The following PKHD1 variants were observed in gnomAD, a reference collection of about 807,000 sequenced individuals.
PKHD1 encodes the protein PKHD1 ciliary IPT domain containing fibrocystin/polyductin, also known as fibrocystin.
In PKHD1, 291 loss-of-function variants were observed where a neutral mutation model predicts 412.0. The observed-to-expected ratio is 0.71, with a 90% CI of 0.64 to 0.78. The LOEUF (loss-of-function observed/expected upper bound fraction) is 0.78, where lower values mean the gene tolerates loss of function less well. Ranked by LOEUF, PKHD1 falls within the 30% of genes least tolerant of loss-of-function variation. The pLI is 0.00. For missense variants in PKHD1, 4,825 were observed against 4,950.7 expected, an observed-to-expected ratio of 0.97 and a Z score of 0.76; for synonymous variants, 1,777 against 1,821.5, an observed-to-expected ratio of 0.98 and a Z score of 0.62.
intron 35 of PKHD1, among the ~76,000 whole-genome samples, chr6:51,961,959 C>T (rs1792106458): frequency 6.6e-6 from 1 of 152,004 alleles, no homozygotes; most frequent in Admixed American, 6.6e-5. Flanking sequence ...AATTGGGACC[C>T]AGAGACCTAC....
chr6:51,780,089 T>C (rs981568922), intron 53 of PKHD1, among the ~76,000 whole-genome samples: 5 of 152,030 alleles, frequency 3.3e-5, no homozygotes, highest in African/African-American at 1.2e-4. Flanking sequence ...AGAATACCAT[T>C]AAGAAAGTAA....
intron 53 of PKHD1, among the ~76,000 whole-genome samples, chr6:51,782,566 T>C (rs1009181023): frequency 6.6e-6 from 1 of 152,184 alleles, no homozygotes; most frequent in Non-Finnish European, 1.5e-5. Context: ...GTCACCTTTT[T>C]ATTTTATCAA....
Position 51,950,220 on chromosome 6 carries a change from A to AAAAT in PKHD1, c.5908+9649_5908+9650insATTT. 7.6e-3 allele frequency among the ~76,000 whole-genome samples: 743 copies of AAAAT among 98,306 alleles called. 14 individuals are homozygous for AAAAT. The highest frequency in any genetic ancestry group is 0.025 in the African/African-American group (655 of 26,494). The allele number at this position is 98,306 out of a possible 152,430, so 64.5% of individuals were successfully genotyped here. On this transcript the variant is annotated intron_variant, in intron 36 of 66. Coordinates refer to ENST00000371117, the MANE Select transcript of PKHD1 (RefSeq NM_138694.4). ...AATGGGCAATATAGAGAAAAAAAAAAATATATATATATATATATATGAAAT... is the reference window on the plus strand; with the variant it reads ...AATGGGCAATATAGAGAAAAAAAAAAAAATATATATATATATATATATATGAAAT...
intron 53 of PKHD1, among the ~76,000 whole-genome samples, chr6:51,779,784 G>C (rs1374845569): frequency 7.7e-6 from 1 of 129,050 alleles, no homozygotes; most frequent in Non-Finnish European, 1.8e-5. Context: ...CAACACAACT[G>C]TTGCTAAAAA....
intron 35 of PKHD1, among the ~76,000 whole-genome samples, chr6:51,995,533 TA>T (rs1261956417): frequency 6.6e-6 from 1 of 152,234 alleles, no homozygotes; most frequent in African/African-American, 2.4e-5. Flanking sequence ...TCTTAGCTAG[TA>T]GACCTTTGTT....
intron 12 of PKHD1, among the ~76,000 whole-genome samples, chr6:52,065,610 C>G (rs149099381): frequency 2.0e-5 from 3 of 152,200 alleles, no homozygotes; most frequent in Non-Finnish European, 4.4e-5. Context: ...AAATGCCCAC[C>G]CACTCCTGCT....
chr6:52,051,910 G>T (rs999733864), intron 21 of PKHD1, among the ~76,000 whole-genome samples: 3 of 136,010 alleles, frequency 2.2e-5, no homozygotes, highest in African/African-American at 7.6e-5. Context: ...GTGTGCCAGA[G>T]CACAAACAGG....
chr6:51,924,163 T>C (rs1785159531), intron 37 of PKHD1, among the ~76,000 whole-genome samples: 1 of 152,196 alleles, frequency 6.6e-6, no homozygotes, highest in Non-Finnish European at 1.5e-5. Flanking sequence ...AGCAATACTA[T>C]TAATAGTATT....
chr6:51,911,032 T>C (rs180988562), intron 39 of PKHD1, among the ~76,000 whole-genome samples: 9 of 152,192 alleles, frequency 5.9e-5, no homozygotes, highest in Middle Eastern at 3.4e-3. Flanking sequence ...TTATGACATA[T>C]ACAAAATTAA....
At chr6:51,796,284 T>C (rs1186454147) in intron 52 of PKHD1, among the ~76,000 whole-genome samples, 2 of 152,144 alleles carry the variant, frequency 1.3e-5, no homozygotes, top group Admixed American at 6.5e-5. Flanking sequence ...ATTTTCTACT[T>C]TATGTGCAAG....
intron 45 of PKHD1, among the ~76,000 whole-genome samples, chr6:51,883,526 A>G (rs955325407): frequency 3.3e-5 from 5 of 152,302 alleles, no homozygotes; most frequent in African/African-American, 1.2e-4. Flanking sequence ...AAATCACACA[A>G]AGGTAACAGA....
At chr6:51,892,201 C>T (rs957407755) in intron 43 of PKHD1, among the ~76,000 whole-genome samples, 1 of 152,186 alleles carries the variant, frequency 6.6e-6, no homozygotes, top group African/African-American at 2.4e-5. Context: ...GAATTCTAAT[C>T]ACATGTCTCA....
At chr6:52,024,520 AG>A (rs1801847340) in intron 32 of PKHD1, 53 bp downstream of exon 32, 1 of 1,508,904 alleles carries the variant, frequency 6.6e-7, no homozygotes, top group East Asian at 2.3e-5. Flanking sequence ...AAGTGAAAGG[AG>A]CTACCAATTC....
intron 60 of PKHD1, among the ~76,000 whole-genome samples, chr6:51,743,912 G>A (rs1425526436): frequency 6.6e-6 from 1 of 152,198 alleles, no homozygotes; most frequent in Admixed American, 6.5e-5. Flanking sequence ...GCACAGCCTT[G>A]TTTGGGGGAG....
intron 63 of PKHD1, among the ~76,000 whole-genome samples, chr6:51,639,413 G>A (rs1257450846): frequency 2.6e-5 from 4 of 151,772 alleles, no homozygotes; most frequent in Admixed American, 6.6e-5. Flanking sequence ...TTTCTAGGTG[G>A]TCAGTTTCTA....
chr6:51,910,698 A>C, intron 39 of PKHD1, among the ~76,000 whole-genome samples: 1 of 152,192 alleles, frequency 6.6e-6, no homozygotes, highest in East Asian at 1.9e-4. Context: ...CAGAATACCA[A>C]GGAAGTTTGA....
intron 60 of PKHD1, among the ~76,000 whole-genome samples, chr6:51,676,909 A>T (rs776413711): frequency 6.6e-6 from 1 of 152,176 alleles, no homozygotes; most frequent in Non-Finnish European, 1.5e-5. Flanking sequence ...TGTATGTTAC[A>T]CTTATAAGGT....
chr6:51,747,940 A>G lies in PKHD1; in HGVS notation c.9676T>C (p.Leu3226=), dbSNP rs957604957. 2 of 1,614,080 alleles carry G rather than the reference A, an allele frequency of 1.2e-6. No homozygotes were observed. Among genetic ancestry groups the G allele is most frequent in the Non-Finnish European group, 1.7e-6 (2 of 1,179,994 alleles). ...GAGGGAGCTCTATCTGTTGATGTCAAGTTGGCTGAGTGCGGCTTCACTTTG... is the reference window on the plus strand; with the variant it reads ...GAGGGAGCTCTATCTGTTGATGTCAGGTTGGCTGAGTGCGGCTTCACTTTG... ...QDKVKPHSAN[L]TSTDRAPSNP... is the part of the protein sequence containing the mutation. The change falls in exon 58 of 67, where the codon TTG becomes CTG. Residue 3226 remains leucine (L), a synonymous_variant. Coordinates refer to ENST00000371117, the MANE Select transcript of PKHD1 (RefSeq NM_138694.4).
At chr6:51,917,589 T>A (rs1346836169) in intron 37 of PKHD1, among the ~76,000 whole-genome samples, 1 of 151,898 alleles carries the variant, frequency 6.6e-6, no homozygotes, top group Non-Finnish European at 1.5e-5. Context: ...CCAGAAGAGG[T>A]GATAACTGAG....
Sources: allele counts gnomAD v4.1 joint callset (sites outside exome capture counted in the v4.1 genomes callset), GRCh38; gene constraint gnomAD v4.1.1; transcripts MANE v1.5; gene names NCBI Gene and HGNC (gene_info 2026-07-23, HGNC 2026-07-21).